Variants in ASAP3 observed in about 807,000 individuals in gnomAD.
ASAP3 encodes arf-GAP with SH3 domain, ANK repeat and PH domain-containing protein 3.
A neutral mutation model predicts 118.2 loss-of-function variants in ASAP3; 85 were observed. The ratio of observed to expected loss-of-function variants is 0.72; its 90% CI spans 0.60 to 0.86. The LOEUF (loss-of-function observed/expected upper bound fraction) is 0.86. ASAP3 is among the 40% of genes least tolerant of loss of function. The pLI is 0.00. For missense variants in ASAP3, 1,026 were observed against 1,175.0 expected, an observed-to-expected ratio of 0.87 and a Z score of 1.85; for synonymous variants, 432 against 477.4, an observed-to-expected ratio of 0.90 and a Z score of 1.24.
intron 1 of ASAP3, among the ~76,000 whole-genome samples, chr1:23,483,372 T>TG (rs1558201050): frequency 6.6e-6 from 1 of 151,814 alleles, no homozygotes; most frequent in Non-Finnish European, 1.5e-5. Flanking sequence ...CCGAAGAGCA[T>TG]GGGAATGGGG....
intron 11 of ASAP3, 80 bp downstream of exon 11, chr1:23,439,081 G>A: frequency 6.5e-7 from 1 of 1,548,812 alleles, no homozygotes; most frequent in Non-Finnish European, 8.9e-7. Flanking sequence ...CTTAGAGGGA[G>A]GGCTTGACAT....
rs1475099269 is a variant in ASAP3, at chr1:23,433,438, T to G, written c.2114A>C (p.Asp705Ala). ...STEPGSDSEE[D>A]EEEKRCLLKL... is the part of the protein sequence containing the mutation. ...GCTGGGACCCACCTTCTCTTCCTCA[T>G]CCTCCTCACTGTCAGAGCCAGGCTC... Residue 705 changes from aspartate to alanine, a missense_variant, in exon 21 of 25, where the codon GAT (aspartate) becomes GCT (alanine). Physicochemically the swap from Asp to Ala is moderately radical, Grantham distance 126. Coordinates refer to ENST00000336689, the MANE Select transcript of ASAP3 (RefSeq NM_017707.4). 1 of 1,614,076 alleles carries G rather than the reference T, an allele frequency of 6.2e-7. No homozygotes were observed. The highest frequency in any genetic ancestry group is 1.7e-5 in the Admixed American group (1 of 60,020).
chr1:23,463,319 T>C (rs529410423), intron 1 of ASAP3, among the ~76,000 whole-genome samples: 1 of 152,180 alleles, frequency 6.6e-6, no homozygotes, highest in Admixed American at 6.5e-5. Flanking sequence ...ATAACACCTA[T>C]CCTGTGGTAT....
chr1:23,433,914 CAATT>C (rs1358665242), intron 19 of ASAP3, among the ~76,000 whole-genome samples: 1 of 152,118 alleles, frequency 6.6e-6, no homozygotes, highest in Non-Finnish European at 1.5e-5. Flanking sequence ...TGTGAGGATT[CAATT>C]AATTAACATA....
intron 24 of ASAP3, among the ~76,000 whole-genome samples, 188 bp from the exon 25 acceptor site, chr1:23,430,118 T>C (rs745889408): frequency 6.6e-6 from 1 of 152,238 alleles, no homozygotes; most frequent in Non-Finnish European, 1.5e-5. Flanking sequence ...GCCCAAGCTC[T>C]TGCTATCATA....
At chr1:23,472,974 A>G (rs1050940624) in intron 1 of ASAP3, among the ~76,000 whole-genome samples, 1 of 151,960 alleles carries the variant, frequency 6.6e-6, no homozygotes, top group African/African-American at 2.4e-5. Flanking sequence ...TAGTTACTGG[A>G]CTCTCGCCAC....
chr1:23,456,839 T>C (rs1042966572), intron 1 of ASAP3, among the ~76,000 whole-genome samples: 1 of 152,040 alleles, frequency 6.6e-6, no homozygotes, highest in Admixed American at 6.6e-5. Flanking sequence ...TCTGGGGAGA[T>C]GGCAGAGGGT....
At chr1:23,462,566 C>T (rs180805936) in intron 1 of ASAP3, among the ~76,000 whole-genome samples, 91 of 151,554 alleles carry the variant, frequency 6.0e-4, no homozygotes, top group South Asian at 1.0e-3. Context: ...AAGTCAAGAT[C>T]GAGACCATCC....
Position 23,473,974 on chromosome 1 carries a change from C to CTTTTTTTTTTTTTTTTTTTTT in ASAP3, c.129+10010_129+10030dup, listed in dbSNP as rs10664798. Among the ~76,000 whole-genome samples the CTTTTTTTTTTTTTTTTTTTTT allele has an allele frequency of 1.2e-4, 9 of 72,108 alleles. 1 individual carries two copies. The highest frequency in any genetic ancestry group is 5.4e-4 in the African/African-American group (8 of 14,716). 47.3% of individuals were successfully genotyped at this position (72,108 alleles called of 152,430 possible). The stretch of plus-strand genomic sequence containing the variant: ...AGGCGAAAATGGCATTAAATCTGCT[C>CTTTTTTTTTTTTTTTTTTTTT]TTTTTTTTTTTTTTTTTTTTTTTTG... On this transcript the variant is annotated intron_variant, in intron 1 of 24. Transcript: ENST00000336689.
chr1:23,441,115 T>A lies in ASAP3; in HGVS notation c.931A>T (p.Lys311Ter). 1.2e-6 allele frequency: 2 copies of A among 1,614,158 alleles called. No homozygotes were observed. Among genetic ancestry groups the A allele is most frequent in the South Asian group, 2.2e-5 (2 of 91,090 alleles). ...FGTEKVGFLY[K>*]KSDGIRRVWQ... Reference sequence around the variant, plus strand: ...TGAATCACTTACCCGTCACTTTTCTTGTATAGAAAGCCCACTTTCTCCGTC... The same window carrying A: ...TGAATCACTTACCCGTCACTTTTCTAGTATAGAAAGCCCACTTTCTCCGTC... The change falls in exon 10 of 25, where the codon AAG (lysine) becomes TAG (stop). Residue 311 changes from lysine (K) to a stop codon, truncating the protein, a stop_gained. Transcript: ENST00000336689. LOFTEE classifies it high-confidence loss of function.
At chr1:23,446,373 G>A (rs1259691087) in intron 5 of ASAP3, among the ~76,000 whole-genome samples, 1 of 151,780 alleles carries the variant, frequency 6.6e-6, no homozygotes. Flanking sequence ...GTTATTCATG[G>A]TCAACCCCTG....
intron 1 of ASAP3, among the ~76,000 whole-genome samples, chr1:23,467,042 T>C (rs949624365): frequency 6.6e-6 from 1 of 151,810 alleles, no homozygotes; most frequent in Non-Finnish European, 1.5e-5. Flanking sequence ...TAATTTTCTG[T>C]AGTAGAGACA....
Position 23,436,598 on chromosome 1 carries a change from G to A in ASAP3, c.1533C>T (p.Pro511=), listed in dbSNP as rs1640664338. 1 of 1,614,096 alleles carries A rather than the reference G, an allele frequency of 6.2e-7. No homozygotes were observed. The highest frequency in any genetic ancestry group is 1.3e-5 in the African/African-American group (1 of 74,934). Reference sequence around the variant, plus strand: ...CTGAGGGTTTAGGGCCGCCGTGTGAGGGTAGCTGGGCCTCCATGACCTCAT... The same window carrying A: ...CTGAGGGTTTAGGGCCGCCGTGTGAAGGTAGCTGGGCCTCCATGACCTCAT... ...SFNEVMEAQL[P]SHGGPKPSAE... The change falls in exon 16 of 25, where the codon CCC becomes CCT. Residue 511 remains proline (P), a synonymous_variant. Transcript: ENST00000336689. The surrounding 1 kb of genome is among the most constrained non-coding windows in gnomAD (Gnocchi z 4.2).
chr1:23,481,558 G>T (rs1642308658), intron 1 of ASAP3, among the ~76,000 whole-genome samples: 2 of 152,168 alleles, frequency 1.3e-5, no homozygotes, highest in Non-Finnish European at 1.5e-5. Context: ...CTGTGTTTGG[G>T]TGCCGCAAGC....
At position 23,437,274 on chromosome 1, in the gene ASAP3, C is replaced by G. The variant is rs200129246; in HGVS notation, c.1198G>C (p.Ala400Pro). ...CCAGCGCTGGGCTCCCCGAGGAAGG[C>G]GCTGCTCAGGGCTTCGTCCTTGCTG... ...QNSKDEALSSAFLGEPSAGPG... is the reference protein window; with the variant it reads ...QNSKDEALSSPFLGEPSAGPG... The change falls in exon 14 of 25, where the codon GCC (alanine) becomes CCC (proline). Residue 400 changes from alanine to proline, a missense_variant. By Grantham distance (27) the Ala-to-Pro change is conservative. Coordinates refer to ENST00000336689, the MANE Select transcript of ASAP3 (RefSeq NM_017707.4). The surrounding 1 kb of genome is among the most constrained non-coding windows in gnomAD (Gnocchi z 6.1). 6.2e-7 allele frequency: 1 copy of G among 1,600,626 alleles called. No individual in the cohort carries two copies. The highest frequency in any genetic ancestry group is 2.3e-5 in the East Asian group (1 of 44,162).
intron 5 of ASAP3, among the ~76,000 whole-genome samples, chr1:23,448,639 A>G (rs1324242506): frequency 6.6e-6 from 1 of 151,536 alleles, no homozygotes; most frequent in Non-Finnish European, 1.5e-5. Context: ...ATTATTATCA[A>G]TTTTTTAAAT....
At chr1:23,456,793 G>A (rs1641402139) in intron 1 of ASAP3, among the ~76,000 whole-genome samples, 1 of 152,208 alleles carries the variant, frequency 6.6e-6, no homozygotes, top group Admixed American at 6.5e-5. Flanking sequence ...TGCTATGGGT[G>A]AGCAGAGAGG....
At chr1:23,441,274 G>A (rs540153020) in intron 9 of ASAP3, 63 bp from the exon 10 acceptor site, 52 of 1,606,290 alleles carry the variant, frequency 3.2e-5, no homozygotes, top group Non-Finnish European at 4.3e-5. Context: ...CCATTCTGCG[G>A]GGGCTCACTC....
At chr1:23,435,778 A>C (rs183953420) in intron 17 of ASAP3, 73 bp downstream of exon 17, 238 of 1,560,438 alleles carry the variant, frequency 1.5e-4, no homozygotes, top group Non-Finnish European at 2.0e-4. Flanking sequence ...GGGGAGTAAC[A>C]GCTGGTCCTG....
Sources: gnomAD v4.1 joint callset for allele counts (sites outside exome capture counted in the v4.1 genomes callset) on GRCh38, gnomAD v4.1.1 for gene constraint, Gnocchi (gnomAD v3.1) non-coding constraint, MANE v1.5 for transcripts, NCBI Gene and HGNC (gene_info 2026-07-23, HGNC 2026-07-21) for gene names.